Variants in OSBPL6 observed in about 807,000 individuals in gnomAD.
OSBPL6 encodes the protein oxysterol-binding protein-related protein 6.
A neutral mutation model predicts 125.8 loss-of-function variants in OSBPL6; 49 were observed. That is an observed-to-expected ratio of 0.39 (90% CI 0.31 to 0.49). The LOEUF (loss-of-function observed/expected upper bound fraction) is 0.49, where lower values mean the gene tolerates loss of function less well. OSBPL6 is among the 20% of genes least tolerant of loss of function. The pLI, the probability that OSBPL6 is intolerant of heterozygous loss-of-function variation, is 0.88. For synonymous variants in OSBPL6, 394 were observed against 391.8 expected (o/e 1.01, Z -0.07); for missense variants, 986 against 1,135.4 (o/e 0.87, Z 1.89).
chr2:178,398,847 T>G lies in OSBPL6; in HGVS notation c.*3288T>G, dbSNP rs1696003849. Reference sequence around the variant, plus strand: ...AGGAGCAGTGGCTTGGGGGCTGGATTTAGGGAGGAAAACCTGATTAAACTG... The same window carrying G: ...AGGAGCAGTGGCTTGGGGGCTGGATGTAGGGAGGAAAACCTGATTAAACTG... On this transcript the variant is annotated 3_prime_UTR_variant, in exon 25 of 25. Transcript: ENST00000190611. 1 of 152,144 alleles carries G rather than the reference T, an allele frequency of 6.6e-6. No homozygotes were observed. Among genetic ancestry groups the G allele is most frequent in the South Asian group, 2.1e-4 (1 of 4,822 alleles). 9.4% of individuals were successfully genotyped at this position (152,144 alleles called of 1,614,324 possible).
intron 1 of OSBPL6, among the ~76,000 whole-genome samples, chr2:178,236,734 A>G (rs1301198273): frequency 1.3e-5 from 2 of 152,222 alleles, no homozygotes; most frequent in East Asian, 3.8e-4. Context: ...GAATTTGTCT[A>G]CAGTCACTTA....
At position 178,361,781 on chromosome 2, in the gene OSBPL6, C is replaced by A. The variant is rs370786289; in HGVS notation, c.1253C>A (p.Thr418Lys). The stretch of plus-strand genomic sequence containing the variant: ...CAGGATCACAGTAAAGGCCACAGCA[C>A]GCAGATGGCACGGCTCCGACAGTCA... Reference protein sequence around the residue: ...SEQDHSKGHSTQMARLRQSLS... With the variant: ...SEQDHSKGHSKQMARLRQSLS... The change falls in exon 13 of 25, where the codon ACG (threonine) becomes AAG (lysine). Residue 418 changes from threonine (T) to lysine (K), a missense_variant. Around this residue, in one of 3 missense-constraint regions of OSBPL6, gnomAD observed 843 missense variants for 997.3 expected, o/e 0.85. Coordinates refer to ENST00000190611, the MANE Select transcript of OSBPL6 (RefSeq NM_032523.4). The A allele has an allele frequency of 1.5e-5, 25 of 1,614,110 alleles. No homozygotes were observed. The Middle Eastern group carries it at 1.3e-3, about 85-fold the overall frequency.
intron 3 of OSBPL6, among the ~76,000 whole-genome samples, chr2:178,313,769 A>G (rs1687502576): frequency 1.3e-5 from 2 of 152,166 alleles, no homozygotes; most frequent in African/African-American, 4.8e-5. Flanking sequence ...TTCAAAACCA[A>G]CAGTGGCCTA....
Position 178,306,208 on chromosome 2 carries a change from T to C in OSBPL6, c.24T>C (p.Ile8=). 1 of 1,613,172 alleles carries C rather than the reference T, an allele frequency of 6.2e-7. No homozygotes were observed. Among genetic ancestry groups the C allele is most frequent in the Middle Eastern group, 1.7e-4 (1 of 6,056 alleles). MSSDEKG[I]SPAHKTSTPT... ...CGATGAGTTCAGATGAGAAGGGCATTTCCCCTGCTCATAAAACATCCACTC... is the reference window on the plus strand; with the variant it reads ...CGATGAGTTCAGATGAGAAGGGCATCTCCCCTGCTCATAAAACATCCACTC... Residue 8 remains isoleucine (I), a synonymous_variant, in exon 3 of 25, where the codon ATT becomes ATC. Transcript: ENST00000190611.
At chr2:178,242,866 A>G (rs1459340191) in intron 1 of OSBPL6, among the ~76,000 whole-genome samples, 1 of 152,176 alleles carries the variant, frequency 6.6e-6, no homozygotes, top group Non-Finnish European at 1.5e-5. Flanking sequence ...TTGTTTTCAC[A>G]AGACAGCTAT....
chr2:178,257,684 A>G (rs527240904), intron 1 of OSBPL6, among the ~76,000 whole-genome samples: 1 of 152,280 alleles, frequency 6.6e-6, no homozygotes, highest in South Asian at 2.1e-4. Context: ...CATTATCTCT[A>G]GTTTGTAGAA....
intron 1 of OSBPL6, among the ~76,000 whole-genome samples, chr2:178,261,034 AG>A (rs1485280833): frequency 3.9e-5 from 6 of 152,194 alleles, no homozygotes; most frequent in Non-Finnish European, 8.8e-5. Context: ...CGGGAGGCTG[AG>A]GCAGAAGAAT....
intron 3 of OSBPL6, among the ~76,000 whole-genome samples, chr2:178,317,636 T>C (rs536622066): frequency 7.3e-5 from 11 of 151,474 alleles, no homozygotes; most frequent in African/African-American, 2.7e-4. Flanking sequence ...ATGATATATA[T>C]ATGAATGATA....
intron 3 of OSBPL6, among the ~76,000 whole-genome samples, chr2:178,312,584 T>A (rs1263097437): frequency 6.6e-6 from 1 of 151,430 alleles, no homozygotes; most frequent in African/African-American, 2.4e-5. Context: ...GCCTCCCGAG[T>A]AGCTGGGATT....
chr2:178,198,836 G>A (rs777149371), intron 1 of OSBPL6, among the ~76,000 whole-genome samples: 2 of 152,086 alleles, frequency 1.3e-5, no homozygotes, highest in Non-Finnish European at 2.9e-5. Flanking sequence ...GCAATGTTAG[G>A]GAGTTGTTGT....
At chr2:178,195,243 GCACCCCTGCC>G (rs1228716694) in intron 1 of OSBPL6, among the ~76,000 whole-genome samples, 1 of 152,082 alleles carries the variant, frequency 6.6e-6, no homozygotes, top group Non-Finnish European at 1.5e-5. Flanking sequence ...CCCTCGCGGG[GCACCCCTGCC>G]CACCCGCTGC....
At chr2:178,244,542 T>TA (rs1306543996) in intron 1 of OSBPL6, among the ~76,000 whole-genome samples, 4 of 152,210 alleles carry the variant, frequency 2.6e-5, no homozygotes, top group African/African-American at 9.6e-5. Flanking sequence ...AATGTCTTTA[T>TA]AAAAAGGGAA....
intron 1 of OSBPL6, among the ~76,000 whole-genome samples, chr2:178,221,323 G>A (rs2090330318): frequency 6.6e-6 from 1 of 152,204 alleles, no homozygotes; most frequent in Non-Finnish European, 1.5e-5. Context: ...AGCTATTTTA[G>A]TGTAGGGTAG....
intron 1 of OSBPL6, among the ~76,000 whole-genome samples, chr2:178,211,158 C>T (rs1203925587): frequency 6.6e-6 from 1 of 152,146 alleles, no homozygotes; most frequent in Non-Finnish European, 1.5e-5. Context: ...GTAGTCCCAG[C>T]TCCTCACGAG....
chr2:178,378,072 G>A (rs868775476), intron 15 of OSBPL6, among the ~76,000 whole-genome samples: 9 of 152,030 alleles, frequency 5.9e-5, no homozygotes, highest in Middle Eastern at 3.4e-3. Context: ...CAAGTGATTC[G>A]CCTGCCTCAG....
At chr2:178,293,858 G>A (rs1405234220) in intron 2 of OSBPL6, among the ~76,000 whole-genome samples, 1 of 151,766 alleles carries the variant, frequency 6.6e-6, no homozygotes, top group Non-Finnish European at 1.5e-5. Flanking sequence ...AAGAAGAATA[G>A]CCTTTTCAAC....
chr2:178,370,530 A>G (rs949097061), intron 13 of OSBPL6, among the ~76,000 whole-genome samples: 2 of 152,188 alleles, frequency 1.3e-5, no homozygotes, highest in African/African-American at 2.4e-5. Flanking sequence ...TTCTAATTCT[A>G]AGTGTTTGAG....
chr2:178,298,733 C>A (rs1265146781), intron 2 of OSBPL6, among the ~76,000 whole-genome samples: 1 of 144,816 alleles, frequency 6.9e-6, no homozygotes, highest in African/African-American at 2.6e-5. Context: ...GTACTGTTCT[C>A]CACAGGACCT....
chr2:178,195,580 A>G (rs1226621007), intron 1 of OSBPL6, among the ~76,000 whole-genome samples: 5 of 152,220 alleles, frequency 3.3e-5, no homozygotes, highest in Non-Finnish European at 7.3e-5. Flanking sequence ...ATTTTGTGAC[A>G]ATTCTATGAT....
Sources: gnomAD v4.1 joint callset for allele counts (sites outside exome capture counted in the v4.1 genomes callset) on GRCh38, gnomAD v4.1.1 for gene constraint, gnomAD v4.1.1 regional missense constraint, MANE v1.5 for transcripts, NCBI Gene and HGNC (gene_info 2026-07-23, HGNC 2026-07-21) for gene names.